The following DUSP15 variants were observed in gnomAD, a reference collection of about 807,000 sequenced individuals.
DUSP15 encodes the protein dual specificity phosphatase 15.
A neutral mutation model predicts 26.3 loss-of-function variants in DUSP15; 23 were observed. The ratio of observed to expected loss-of-function variants is 0.87; its 90% CI spans 0.63 to 1.24. DUSP15 has a LOEUF of 1.24. DUSP15 is among the 50% of genes most tolerant of loss of function. DUSP15 has a pLI of 0.00. For missense variants in DUSP15, 364 were observed against 320.6 expected, an observed-to-expected ratio of 1.14 and a Z score of -1.03; for synonymous variants, 143 against 135.5, an observed-to-expected ratio of 1.06 and a Z score of -0.39.
In DUSP15 at chr20:31,861,354, C is replaced by T. The variant is rs1252291345; in HGVS notation, c.*49G>A. The T allele has an allele frequency of 2.0e-6, 3 of 1,466,352 alleles. No individual in the cohort carries two copies. The highest frequency in any genetic ancestry group is 4.9e-5 in the Admixed American group (2 of 41,042). 90.8% of individuals were successfully genotyped at this position (1,466,352 alleles called of 1,614,324 possible). ...GGGGGGCGTGGAAGGCGCAGACAGC[C>T]CCCGAAGGGAGCCAGTCGGAAGTGG... On this transcript the variant is annotated 3_prime_UTR_variant, in exon 7 of 7. Coordinates refer to ENST00000339738, the MANE Select transcript of DUSP15 (RefSeq NM_080611.5).
At chr20:31,846,839 G>A (rs140437005), downstream of DUSP15, among the ~76,000 whole-genome samples, 3 of 152,334 alleles carry the variant, frequency 2.0e-5, no homozygotes, top group Middle Eastern at 3.4e-3. Context: ...CTAACATGGA[G>A]CTGGTGACTC....
intron 1 of DUSP15, chr20:31,869,905 T>A: frequency 2.9e-6 from 4 of 1,363,954 alleles, no homozygotes; most frequent in Non-Finnish European, 3.8e-6. Flanking sequence ...ACTTGCAGGG[T>A]GCAGGGATGG....
intron 7 of DUSP15, chr20:31,850,561 C>T (rs1046974000): frequency 1.8e-5 from 28 of 1,569,592 alleles, no homozygotes; most frequent in East Asian, 1.2e-4. Flanking sequence ...ACCCCGCGGC[C>T]GTCCCCAGTT....
chr20:31,860,754 AG>A (rs1568676404), downstream of DUSP15, among the ~76,000 whole-genome samples: 1 of 151,928 alleles, frequency 6.6e-6, no homozygotes, highest in African/African-American at 2.4e-5. Context: ...GGAGTCGGGG[AG>A]GGGAGGGGCC....
intron 8 of DUSP15, chr20:31,848,974 T>C (rs2062416152): frequency 1.6e-6 from 2 of 1,268,024 alleles, no homozygotes; most frequent in East Asian, 2.5e-5. Context: ...AACCCACTGG[T>C]GCCCATCTTG....
At chr20:31,851,754 A>G (rs867176937) in intron 6 of DUSP15, among the ~76,000 whole-genome samples, 1 of 152,076 alleles carries the variant, frequency 6.6e-6, no homozygotes, top group South Asian at 2.1e-4. Flanking sequence ...GGAAGAACAC[A>G]CTCAGCAGGT....
At chr20:31,864,853 C>T in intron 4 of DUSP15, 100 bp downstream of exon 4, 1 of 1,271,814 alleles carries the variant, frequency 7.9e-7, no homozygotes, top group South Asian at 1.3e-5. Context: ...TGTGATAGCT[C>T]TCTGGCCTGA....
Position 31,848,856 on chromosome 20 carries a change from C to T in DUSP15, c.676G>A (p.Glu226Lys), listed in dbSNP as rs748107523. The T allele has an allele frequency of 1.9e-6, 3 of 1,612,172 alleles. No homozygotes were observed. In the African/African-American group the frequency reaches 4.0e-5, roughly 22 times the overall value. Residue 226 changes from glutamate (E) to lysine (K), a missense_variant, in exon 9 of 10, where the codon GAG (glutamate) becomes AAG (lysine). Transcript: ENST00000278979. ...GGGTGCTGTGTGGGGCCCGGGTCCT[C>T]CTCACCGAAGCACAGACAGATCTGG...
intron 6 of DUSP15, 126 bp from the exon 7 acceptor site, chr20:31,861,801 C>G (rs971238542): frequency 1.3e-6 from 1 of 757,756 alleles, no homozygotes; most frequent in East Asian, 3.4e-5. Flanking sequence ...CTGAGCCCCT[C>G]CCTTCCTGAG....
rs2062797175 is a variant in DUSP15, at chr20:31,867,631, G to GTTTTGTTTTTTTTTTTTT, written c.56-479_56-478insAAAAAAAAAAAAACAAAA. ...GCTGATGTGCAATGATGCCCACAATGTTTTTTTTTTTTTTTTTTTTTTTTT... is the reference window on the plus strand; with the variant it reads ...GCTGATGTGCAATGATGCCCACAATGTTTTGTTTTTTTTTTTTTTTTTTTTTTTTTTTTTTTTTTTTTT... On this transcript the variant is annotated intron_variant, in intron 2 of 6. Transcript: ENST00000339738. Among the ~76,000 whole-genome samples, 62 of 77,648 alleles carry GTTTTGTTTTTTTTTTTTT rather than the reference G, an allele frequency of 8.0e-4. 2 individuals carry two copies. The highest frequency in any genetic ancestry group is 3.2e-3 in the African/African-American group (58 of 18,328). The allele number at this position is 77,648 out of a possible 152,430, so 50.9% of individuals were successfully genotyped here.
At chr20:31,863,376 A>C (rs565918905) in intron 5 of DUSP15, among the ~76,000 whole-genome samples, 1 of 152,208 alleles carries the variant, frequency 6.6e-6, no homozygotes, top group Admixed American at 6.5e-5. Flanking sequence ...GTGGGAAATG[A>C]GGCTTGGGAA....
chr20:31,853,753 A>G (rs1307357015), intron 6 of DUSP15, among the ~76,000 whole-genome samples: 3 of 151,722 alleles, frequency 2.0e-5, no homozygotes, highest in Admixed American at 2.0e-4. Context: ...GCACCCCACC[A>G]TGTCTGGCTA....
chr20:31,867,897 G>C (rs1287512957), intron 2 of DUSP15, among the ~76,000 whole-genome samples: 1 of 152,038 alleles, frequency 6.6e-6, no homozygotes, highest in African/African-American at 2.4e-5. Context: ...CGCCCGCCTT[G>C]GCCTCCCAAA....
At position 31,867,640 on chromosome 20, in the gene DUSP15, T is replaced by TTTTGTTTTTTTTTG. The variant is rs1568700009; in HGVS notation, c.56-488_56-487insCAAAAAAAAACAAA. 1.7e-3 allele frequency among the ~76,000 whole-genome samples: 74 copies of TTTTGTTTTTTTTTG among 42,550 alleles called. 1 individual carries two copies. Among genetic ancestry groups the TTTTGTTTTTTTTTG allele is most frequent in the African/African-American group, 6.9e-3 (72 of 10,446 alleles). The allele number at this position is 42,550 out of a possible 152,430, so 27.9% of individuals were successfully genotyped here. A position where few individuals can be genotyped will look rare whatever the true frequency, so the allele number is the denominator to read the frequency against. On this transcript the variant is annotated intron_variant, in intron 2 of 6. Coordinates refer to ENST00000339738, the MANE Select transcript of DUSP15 (RefSeq NM_080611.5). ...CAATGATGCCCACAATGTTTTTTTT[T>TTTTGTTTTTTTTTG]TTTTTTTTTTTTTTTTTTTTTTGAG...
chr20:31,863,909 G>C lies in DUSP15; in HGVS notation c.261C>G (p.His87Gln). 3 of 1,613,216 alleles carry C rather than the reference G, an allele frequency of 1.9e-6. No individual in the cohort carries two copies. The highest frequency in any genetic ancestry group is 2.5e-6 in the Non-Finnish European group (3 of 1,179,580). Reference protein sequence around the residue: ...CRLNGGNCLVHCFAGISRSTT... With the variant: ...CRLNGGNCLVQCFAGISRSTT... ...TTATCCCCCTCCGCTTAACTCACCA[G>C]TGCACAAGGCAGTTCCCCCCATTAA... The change falls in exon 5 of 7, where the codon CAC (histidine) becomes CAG (glutamine). Residue 87 changes from histidine (H) to glutamine (Q), a missense_variant and splice_region_variant. By Grantham distance (24) the His-to-Gln change is conservative. Transcript: ENST00000339738.
chr20:31,850,825 G>T, intron 6 of DUSP15: 1 of 813,994 alleles, frequency 1.2e-6, no homozygotes, highest in Non-Finnish European at 2.0e-6. Context: ...ATGGGTGGTA[G>T]TAAGGAACCC....
downstream of DUSP15, among the ~76,000 whole-genome samples, chr20:31,860,448 C>T (rs2062625589): frequency 6.6e-6 from 1 of 152,238 alleles, no homozygotes; most frequent in African/African-American, 2.4e-5. Flanking sequence ...GCAGCCCTGG[C>T]CTTTAAAGTC....
At chr20:31,857,593 C>T (rs990133110), downstream of DUSP15, among the ~76,000 whole-genome samples, 2 of 152,216 alleles carry the variant, frequency 1.3e-5, no homozygotes, top group East Asian at 1.9e-4. Flanking sequence ...TCTCCTCCCC[C>T]ACTTTAGTTC....
intron 5 of DUSP15, 139 bp from the exon 6 acceptor site, chr20:31,862,881 C>T: frequency 1.2e-6 from 1 of 842,928 alleles, no homozygotes; most frequent in African/African-American, 1.7e-5. Flanking sequence ...CTTGCCATCC[C>T]ACCTCCAGGC....
Sources: gnomAD v4.1 joint callset for allele counts (sites outside exome capture counted in the v4.1 genomes callset) on GRCh38, gnomAD v4.1.1 for gene constraint, MANE v1.5 for transcripts, NCBI Gene and HGNC (gene_info 2026-07-23, HGNC 2026-07-21) for gene names.